Variants in CDK8 observed in about 807,000 individuals in gnomAD.
CDK8 encodes the protein cyclin-dependent kinase 8.
Under a neutral mutation model 71.5 loss-of-function variants are expected in CDK8, and 29 were observed. That is an observed-to-expected ratio of 0.41 (90% confidence interval 0.30 to 0.55). The LOEUF (loss-of-function observed/expected upper bound fraction) is 0.55. Among genes scored for constraint, CDK8 ranks in the 20% least tolerant of loss-of-function variants. The pLI, the probability that CDK8 is intolerant of heterozygous loss-of-function variation, is 0.37. For synonymous variants in CDK8, 161 were observed against 192.1 expected (o/e 0.84, Z 1.34); for missense variants, 288 against 572.6 (o/e 0.50, Z 5.07).
intron 4 of CDK8, among the ~76,000 whole-genome samples, chr13:26,367,472 A>G (rs1874444747): frequency 1.3e-5 from 2 of 152,114 alleles, no homozygotes; most frequent in Non-Finnish European, 2.9e-5. Context: ...TCTTTGTTCT[A>G]CCACTTAATT....
At chr13:26,291,594 AT>A (rs1873303403) in intron 1 of CDK8, among the ~76,000 whole-genome samples, 1 of 152,144 alleles carries the variant, frequency 6.6e-6, no homozygotes. Flanking sequence ...CTACCTCATG[AT>A]TTTTGATTAC....
At chr13:26,371,270 A>C (rs1409939255) in intron 4 of CDK8, among the ~76,000 whole-genome samples, 1 of 152,208 alleles carries the variant, frequency 6.6e-6, no homozygotes, top group African/African-American at 2.4e-5. Context: ...TCTGTCTGAC[A>C]ACATTTTATA....
chr13:26,387,164 A>G (rs1237010609), intron 6 of CDK8, among the ~76,000 whole-genome samples: 1 of 152,156 alleles, frequency 6.6e-6, no homozygotes, highest in Non-Finnish European at 1.5e-5. Context: ...GTATTTTTTA[A>G]TAGAAAGAAA....
At chr13:26,370,186 A>G (rs746598066) in intron 4 of CDK8, among the ~76,000 whole-genome samples, 26 of 152,342 alleles carry the variant, frequency 1.7e-4, no homozygotes, top group South Asian at 1.4e-3. Context: ...TAACACTGAC[A>G]TAGAACCTGA....
chr13:26,331,161 A>T (rs9581638), intron 1 of CDK8, among the ~76,000 whole-genome samples: 1 of 151,986 alleles, frequency 6.6e-6, no homozygotes, highest in Non-Finnish European at 1.5e-5. Flanking sequence ...ATGGTATCTC[A>T]TTGTGGTTTT....
chr13:26,266,339 G>T (rs530739273), intron 1 of CDK8, among the ~76,000 whole-genome samples: 1 of 152,292 alleles, frequency 6.6e-6, no homozygotes, highest in East Asian at 1.9e-4. Flanking sequence ...TAGGGAGAGT[G>T]TATAGAGCAA....
At chr13:26,396,921 G>C (rs55772634) in intron 8 of CDK8, among the ~76,000 whole-genome samples, 1,873 of 152,112 alleles carry the variant, frequency 0.012, 15 homozygotes, top group Non-Finnish European at 0.017. Flanking sequence ...TTTAGTGTCT[G>C]TTATTCATGA....
chr13:26,398,957 T>C (rs1374716738), intron 9 of CDK8, among the ~76,000 whole-genome samples: 1 of 129,398 alleles, frequency 7.7e-6, no homozygotes, highest in Non-Finnish European at 1.7e-5. Flanking sequence ...AGCAAGACTC[T>C]ATCTCAAAAA....
At chr13:26,309,170 T>G (rs1565966403) in intron 1 of CDK8, among the ~76,000 whole-genome samples, 1 of 150,202 alleles carries the variant, frequency 6.7e-6, no homozygotes, top group Non-Finnish European at 1.5e-5. Context: ...GACGGAGTCT[T>G]GCTCTTTCAC....
intron 1 of CDK8, among the ~76,000 whole-genome samples, chr13:26,291,650 T>A (rs1480737413): frequency 6.6e-6 from 1 of 152,224 alleles, no homozygotes; most frequent in African/African-American, 2.4e-5. Flanking sequence ...TCTCTCTAAT[T>A]TCAGCGTAAT....
At chr13:26,272,943 A>G (rs1872397918) in intron 1 of CDK8, among the ~76,000 whole-genome samples, 1 of 152,116 alleles carries the variant, frequency 6.6e-6, no homozygotes, top group Admixed American at 6.5e-5. Context: ...TCTTGTTGGT[A>G]TTGTTTGTAG....
In CDK8 at chr13:26,254,778, G is replaced by C. The variant is rs763947415; in HGVS notation, c.128+9G>C. On this transcript the variant is annotated intron_variant, in intron 1 of 12. Transcript: ENST00000381527. The surrounding 1 kb of genome is among the most constrained non-coding windows in gnomAD (Gnocchi z 6.7). ...GCCAAGAGGAAAGATGGGTGAGTGT[G>C]TGTGTCTGGGCCGGTGTCCGCGCTG... 1.9e-6 allele frequency: 3 copies of C among 1,611,394 alleles called. No individual in the cohort carries two copies. The East Asian group carries it at 6.7e-5, about 36-fold the overall frequency.
intron 1 of CDK8, among the ~76,000 whole-genome samples, chr13:26,322,125 C>G (rs1325205591): frequency 6.6e-6 from 1 of 151,900 alleles, no homozygotes; most frequent in East Asian, 1.9e-4. Context: ...TTTTGGTGTT[C>G]CGGAAAGTTA....
chr13:26,388,907 C>G (rs1286234420), intron 6 of CDK8, among the ~76,000 whole-genome samples: 1 of 152,046 alleles, frequency 6.6e-6, no homozygotes, highest in East Asian at 1.9e-4. Context: ...GTTAGGAGGA[C>G]CAAATATGAA....
At chr13:26,333,533 T>C (rs1191753229) in intron 1 of CDK8, among the ~76,000 whole-genome samples, 1 of 152,188 alleles carries the variant, frequency 6.6e-6, no homozygotes, top group South Asian at 2.1e-4. Flanking sequence ...ATGATGGTGA[T>C]GCCAAACAAC....
rs1871423886 is a variant in CDK8, at chr13:26,254,481, G to C, written c.-161G>C. 1 of 551,174 alleles carries C rather than the reference G, an allele frequency of 1.8e-6. No individual in the cohort carries two copies. Among genetic ancestry groups the C allele is most frequent in the Non-Finnish European group, 3.1e-6 (1 of 321,708 alleles). 34.1% of individuals were successfully genotyped at this position (551,174 alleles called of 1,614,324 possible). On this transcript the variant is annotated 5_prime_UTR_variant, in exon 1 of 13. Coordinates refer to ENST00000381527, the MANE Select transcript of CDK8 (RefSeq NM_001260.3). This position sits in a 1 kb window ranked among gnomAD's most constrained non-coding sequence, Gnocchi z 6.7. The stretch of plus-strand genomic sequence containing the variant: ...CCCTGGATGTCCCTGGCGCTTTCGC[G>C]GGGCCTCCTCCTGCTCTTGCCGCAT...
At chr13:26,319,546 T>A (rs1165648892) in intron 1 of CDK8, among the ~76,000 whole-genome samples, 1 of 152,116 alleles carries the variant, frequency 6.6e-6, no homozygotes, top group Admixed American at 6.6e-5. Context: ...TGTAACACAT[T>A]GCTGAAAGAA....
chr13:26,324,413 CAA>C (rs1874930480), intron 1 of CDK8, among the ~76,000 whole-genome samples: 1 of 152,078 alleles, frequency 6.6e-6, no homozygotes, highest in Non-Finnish European at 1.5e-5. Flanking sequence ...ATTAAGGAGA[CAA>C]AGACATTTTT....
intron 5 of CDK8, 46 bp downstream of exon 5, chr13:26,382,917 CT>C (rs1305313501): frequency 5.5e-6 from 7 of 1,275,460 alleles, no homozygotes; most frequent in Non-Finnish European, 7.7e-6. Context: ...TTTTTTAAAA[CT>C]TTTGCAGGCA....
Sources: gnomAD v4.1 joint callset for allele counts (sites outside exome capture counted in the v4.1 genomes callset) on GRCh38, gnomAD v4.1.1 for gene constraint, Gnocchi (gnomAD v3.1) non-coding constraint, MANE v1.5 for transcripts, NCBI Gene and HGNC (gene_info 2026-07-23, HGNC 2026-07-21) for gene names.